SCN1A: variants seen among roughly 807,000 people sequenced by gnomAD.
SCN1A encodes sodium voltage-gated channel alpha subunit 1.
Under a neutral mutation model 193.7 loss-of-function variants are expected in SCN1A, and 13 were observed. The ratio of observed to expected loss-of-function variants is 0.07; its 90% CI spans 0.04 to 0.11. The LOEUF (loss-of-function observed/expected upper bound fraction) is 0.11, where lower values mean the gene tolerates loss of function less well. Ranked by LOEUF, SCN1A falls within the 10% of genes least tolerant of loss-of-function variation. The pLI is 1.00. For missense variants in SCN1A, 1,432 were observed against 2,451.1 expected, an observed-to-expected ratio of 0.58 and a Z score of 8.78; for synonymous variants, 781 against 843.6, an observed-to-expected ratio of 0.93 and a Z score of 1.29.
intron 28 of SCN1A, chr2:165,993,681 T>A (rs1211013297): frequency 5.9e-6 from 1 of 169,208 alleles, no homozygotes; most frequent in Non-Finnish European, 1.3e-5. Context: ...TAATGTTTAG[T>A]CCTTGTCTTT....
At chr2:166,113,194 A>G (rs775960716) in intron 2 of SCN1A, among the ~76,000 whole-genome samples, 6 of 149,636 alleles carry the variant, frequency 4.0e-5, no homozygotes, top group Non-Finnish European at 7.4e-5. Flanking sequence ...CTGTCAGACA[A>G]TTGAGTGGTG....
At chr2:166,120,691 G>C (rs1313345361) in intron 2 of SCN1A, among the ~76,000 whole-genome samples, 27 of 133,810 alleles carry the variant, frequency 2.0e-4, no homozygotes, top group Middle Eastern at 4.1e-3. Flanking sequence ...TCGGCTTGCT[G>C]CAACCTCCAC....
chr2:166,034,584 A>G (rs1324491874), intron 19 of SCN1A, among the ~76,000 whole-genome samples: 1 of 152,210 alleles, frequency 6.6e-6, no homozygotes, highest in African/African-American at 2.4e-5. Flanking sequence ...GCTTTGTCCT[A>G]GACTCCTTGT....
Position 165,996,046 on chromosome 2 carries a change from C to T in SCN1A, c.4548G>A (p.Ser1516=), listed in dbSNP as rs78041051. 2.8e-4 allele frequency: 445 copies of T among 1,609,102 alleles called. 1 individual carries two copies. The African/African-American group carries it at 5.4e-3, about 20-fold the overall frequency. The change falls in exon 27 of 29, where the codon TCG becomes TCA. Residue 1516 remains serine (S), a synonymous_variant. Transcript: ENST00000674923. ...KYYNAMKKLG[S]KKPQKPIPRP... is the part of the protein sequence containing the mutation. Reference sequence around the variant, plus strand: ...GAGGTATAGGCTTTTGCGGTTTTTTCGATCCTAATTTTTTCATTGCATTAT... The same window carrying T: ...GAGGTATAGGCTTTTGCGGTTTTTTTGATCCTAATTTTTTCATTGCATTAT...
At position 166,042,428 on chromosome 2, in the gene SCN1A, T is replaced by TAA. The variant is rs549232924; in HGVS notation, c.2044-6_2044-5dup. On this transcript the variant is annotated splice_polypyrimidine_tract_variant and splice_region_variant and intron_variant, in intron 14 of 28. Coordinates refer to ENST00000674923, the MANE Select transcript of SCN1A (RefSeq NM_001165963.4). ...TTTCAGTTTCAGTGGTTGTTCCCTG[T>TAA]AAAAAAAAATGCTAATGCATTAAAC... 3.2e-6 allele frequency: 5 copies of TAA among 1,584,806 alleles called. No individual in the cohort carries two copies. In the South Asian group the frequency reaches 5.6e-5, roughly 18 times the overall value.
At chr2:165,999,845 T>C in intron 24 of SCN1A, 69 bp from the exon 25 acceptor site, 1 of 1,092,140 alleles carries the variant, frequency 9.2e-7, no homozygotes. Flanking sequence ...TAATAAATAT[T>C]CTTACTGATA....
At chr2:166,053,396 CTAT>C (rs1406538115) in intron 7 of SCN1A, among the ~76,000 whole-genome samples, 3 of 151,854 alleles carry the variant, frequency 2.0e-5, no homozygotes, top group Non-Finnish European at 4.4e-5. Flanking sequence ...TAAATCTTGG[CTAT>C]GGTTTAGGGT....
At chr2:166,115,442 A>G (rs1462659039) in intron 2 of SCN1A, among the ~76,000 whole-genome samples, 1 of 152,172 alleles carries the variant, frequency 6.6e-6, no homozygotes, top group Non-Finnish European at 1.5e-5. Flanking sequence ...ATAAGTAAAA[A>G]CAGCTAACAG....
chr2:166,002,610 A>G lies in SCN1A; in HGVS notation c.4146T>C (p.Gly1382=), dbSNP rs1574005667. ...TCACGTCTTCGATGTCAAACCTGTC[A>G]CCAGTTGTGGTGTTAATACAGTGGT... ...KFYHCINTTT[G]DRFDIEDVNN... is the part of the protein sequence containing the mutation. Residue 1382 remains glycine, a synonymous_variant, in exon 24 of 29, where the codon GGT becomes GGC. Transcript: ENST00000674923. 1.9e-6 allele frequency: 3 copies of G among 1,612,066 alleles called. No individual in the cohort carries two copies. Among genetic ancestry groups the G allele is most frequent in the Non-Finnish European group, 2.5e-6 (3 of 1,178,804 alleles).
intron 23 of SCN1A, chr2:166,002,959 A>G: frequency 2.6e-6 from 1 of 388,124 alleles, no homozygotes; most frequent in African/African-American, 2.1e-5. Context: ...TATAGGCAAT[A>G]TAACCAAGAA....
intron 1 of SCN1A, among the ~76,000 whole-genome samples, chr2:166,139,769 C>A (rs921707842): frequency 1.3e-5 from 2 of 152,056 alleles, no homozygotes; most frequent in Admixed American, 1.3e-4. Flanking sequence ...TACACCACCA[C>A]AAGAACAGTA....
rs1272356543 is a variant in SCN1A, at chr2:165,986,992, A to G, written c.*4253T>C. 6.6e-6 allele frequency: 1 copy of G among 152,132 alleles called. No individual in the cohort carries two copies. The highest frequency in any genetic ancestry group is 2.4e-5 in the African/African-American group (1 of 41,454). 9.4% of individuals were successfully genotyped at this position (152,132 alleles called of 1,614,324 possible). On this transcript the variant is annotated 3_prime_UTR_variant, in exon 29 of 29. Coordinates refer to ENST00000674923, the MANE Select transcript of SCN1A (RefSeq NM_001165963.4). ...AAACAGTCCATATTCAAATTTATTC[A>G]ACTTTCCCAATAATATTATTTATCT... is the stretch of plus-strand genomic sequence containing the variant.
At chr2:166,065,901 T>C (rs1683791437) in intron 4 of SCN1A, among the ~76,000 whole-genome samples, 1 of 152,202 alleles carries the variant, frequency 6.6e-6, no homozygotes, top group Non-Finnish European at 1.5e-5. Context: ...GATTTATAAA[T>C]GCCAGAAAAT....
intron 4 of SCN1A, among the ~76,000 whole-genome samples, chr2:166,069,332 AT>A (rs61569204): frequency 0.075 from 11,396 of 152,230 alleles, 1,134 homozygotes; most frequent in African/African-American, 0.23. Flanking sequence ...AATGTTCATG[AT>A]GCATAGATGC....
chr2:166,027,890 T>G (rs1236446818), intron 19 of SCN1A, among the ~76,000 whole-genome samples: 3 of 152,060 alleles, frequency 2.0e-5, no homozygotes, highest in Non-Finnish European at 4.4e-5. Context: ...AAGGAAAATA[T>G]AATATCAATG....
chr2:166,076,445 A>G (rs1460817418), intron 3 of SCN1A, among the ~76,000 whole-genome samples: 1 of 152,038 alleles, frequency 6.6e-6, no homozygotes, highest in Non-Finnish European at 1.5e-5. Context: ...AGTGTTCAAT[A>G]TATCAAAGAC....
rs180960221 is a variant in SCN1A at position 166,137,046 on chromosome 2, A to G, written c.-50+12001T>C. The stretch of plus-strand genomic sequence containing the variant: ...TAACCTACATTTTAATACTCCCAAC[A>G]CTCTCTTCCCTGGTCTGCATTCCTT... On this transcript the variant is annotated intron_variant, in intron 1 of 26. Transcript: ENST00000635750. Among the ~76,000 whole-genome samples, 86 of 151,148 alleles carry G rather than the reference A, an allele frequency of 5.7e-4. 1 individual carries two copies. The highest frequency in any genetic ancestry group is 2.1e-3 in the African/African-American group (85 of 41,182).
At chr2:166,129,972 G>C (rs1034136649), upstream of SCN1A, among the ~76,000 whole-genome samples, 1 of 152,126 alleles carries the variant, frequency 6.6e-6, no homozygotes, top group Non-Finnish European at 1.5e-5. Flanking sequence ...TATGGAGTCA[G>C]CTTTCCCTCA....
In SCN1A at chr2:165,992,444, A is replaced by G. The variant is rs1298692135; in HGVS notation, c.4853-22T>C. 6.2e-7 allele frequency: 1 copy of G among 1,612,390 alleles called. No individual in the cohort carries two copies. On this transcript the variant is annotated intron_variant, in intron 28 of 28. Coordinates refer to ENST00000674923, the MANE Select transcript of SCN1A (RefSeq NM_001165963.4). This position sits in a 1 kb window ranked among gnomAD's most constrained non-coding sequence, Gnocchi z 6.5. ...ATACCTATGAATAAACAATGAGAATACCAACCAGTGAAGAAATCATGCGTT... is the reference window on the plus strand; with the variant it reads ...ATACCTATGAATAAACAATGAGAATGCCAACCAGTGAAGAAATCATGCGTT...
Sources: allele counts gnomAD v4.1 joint callset (sites outside exome capture counted in the v4.1 genomes callset), GRCh38; gene constraint gnomAD v4.1.1; non-coding constraint Gnocchi (gnomAD v3.1); transcripts MANE v1.5; gene names NCBI Gene and HGNC (gene_info 2026-07-23, HGNC 2026-07-21).